EPB41L1: variants seen among roughly 807,000 people sequenced by gnomAD.
The protein encoded by EPB41L1 is band 4.1-like protein 1.
In EPB41L1, 29 loss-of-function variants were observed where a neutral mutation model predicts 97.8. That is an observed-to-expected ratio of 0.30 (90% CI 0.22 to 0.40). The LOEUF (loss-of-function observed/expected upper bound fraction) is 0.40. Ranked by LOEUF, EPB41L1 falls within the 10% of genes least tolerant of loss-of-function variation. EPB41L1 has a pLI of 1.00. For synonymous variants in EPB41L1, 383 were observed against 459.2 expected (o/e 0.83, Z 2.12); for missense variants, 812 against 1,162.3 (o/e 0.70, Z 4.38).
intron 2 of EPB41L1, 88 bp from the exon 3 acceptor site, chr20:36,175,463 C>T: frequency 6.6e-7 from 1 of 1,518,418 alleles, no homozygotes; most frequent in Non-Finnish European, 9.1e-7. Flanking sequence ...TGTCTTGGCC[C>T]CAGATGCCTC....
chr20:36,115,056 T>G (rs1430836220), intron 2 of EPB41L1, among the ~76,000 whole-genome samples: 1 of 152,234 alleles, frequency 6.6e-6, no homozygotes, highest in African/African-American at 2.4e-5. Context: ...ATAGCTAATG[T>G]GCATTGAATT....
chr20:36,156,119 C>G (rs2060289849), intron 1 of EPB41L1, among the ~76,000 whole-genome samples: 1 of 152,236 alleles, frequency 6.6e-6, no homozygotes, highest in South Asian at 2.1e-4. Context: ...TGCCAGCCTC[C>G]CCTATGAGCC....
intron 21 of EPB41L1, among the ~76,000 whole-genome samples, chr20:36,228,711 A>C (rs1322798169): frequency 6.6e-6 from 1 of 152,214 alleles, no homozygotes; most frequent in African/African-American, 2.4e-5. Flanking sequence ...TTTGGAGCCA[A>C]ACCTGGAATC....
rs556788806 is a variant in EPB41L1, at chr20:36,146,833, A to G, written c.-9-28718A>G. Among the ~76,000 whole-genome samples, 124 of 151,794 alleles carry G rather than the reference A, an allele frequency of 8.2e-4. 1 individual carries two copies. The highest frequency in any genetic ancestry group is 2.8e-3 in the African/African-American group (115 of 41,354). Reference sequence around the variant, plus strand: ...TCATAACAGTCCCTGTTTTAAATGGAAAAACTGTTGAAAAGAAAAAAAAAA... The same window carrying G: ...TCATAACAGTCCCTGTTTTAAATGGGAAAACTGTTGAAAAGAAAAAAAAAA... On this transcript the variant is annotated intron_variant, in intron 2 of 19. Coordinates refer to the EPB41L1 transcript ENST00000202028.
Position 36,100,755 on chromosome 20 carries a change from C to T in EPB41L1, c.-65+9143C>T, listed in dbSNP as rs1382426388. 2.0e-5 allele frequency among the ~76,000 whole-genome samples: 3 copies of T among 152,290 alleles called. No homozygotes were observed. The East Asian group carries it at 5.8e-4, about 29-fold the overall frequency. The stretch of plus-strand genomic sequence containing the variant: ...GCCTGCGGGAGCATTTAGGTGTCCA[C>T]AGAGGGGCATGCATTTGCTCAAATT... On this transcript the variant is annotated intron_variant, in intron 1 of 19. Coordinates refer to the EPB41L1 transcript ENST00000202028.
intron 1 of EPB41L1, among the ~76,000 whole-genome samples, chr20:36,111,510 G>A (rs1017919494): frequency 1.3e-5 from 2 of 152,338 alleles, no homozygotes; most frequent in Admixed American, 1.3e-4. Flanking sequence ...GGGAGGCCGG[G>A]CATGGTGGCT....
intron 21 of EPB41L1, among the ~76,000 whole-genome samples, chr20:36,223,886 C>A (rs558033622): frequency 2.0e-5 from 3 of 152,146 alleles, no homozygotes; most frequent in African/African-American, 7.2e-5. Context: ...ATGGGCTCTA[C>A]CACAATGAAA....
intron 5 of EPB41L1, among the ~76,000 whole-genome samples, chr20:36,180,229 C>T (rs774151176): frequency 6.6e-6 from 1 of 152,254 alleles, no homozygotes; most frequent in Non-Finnish European, 1.5e-5. Context: ...CTCATCCTAC[C>T]TTCTGGTGCC....
At position 36,188,960 on chromosome 20, in the gene EPB41L1, T is replaced by C. The variant is rs188041273; in HGVS notation, c.1026+461T>C. On this transcript the variant is annotated intron_variant, in intron 9 of 21. Coordinates refer to ENST00000338074, the MANE Select transcript of EPB41L1 (RefSeq NM_012156.2). Reference sequence around the variant, plus strand: ...TCACACAGATAAATGAATACATGTCTGTGTAAAGTTCATGTATTTAGGTGT... The same window carrying C: ...TCACACAGATAAATGAATACATGTCCGTGTAAAGTTCATGTATTTAGGTGT... 2.0e-5 allele frequency among the ~76,000 whole-genome samples: 3 copies of C among 152,168 alleles called. No homozygotes were observed. The East Asian group carries it at 5.8e-4, about 29-fold the overall frequency.
At chr20:36,105,276 G>C (rs867484095) in intron 1 of EPB41L1, among the ~76,000 whole-genome samples, 5 of 152,150 alleles carry the variant, frequency 3.3e-5, no homozygotes, top group African/African-American at 1.2e-4. Context: ...GGGCTTCCAA[G>C]GTCAGAGCTA....
intron 11 of EPB41L1, among the ~76,000 whole-genome samples, chr20:36,193,523 G>T (rs544152501): frequency 3.9e-5 from 6 of 152,092 alleles, no homozygotes; most frequent in African/African-American, 1.2e-4. Flanking sequence ...GGGCATAGTC[G>T]GATTATGCCC....
chr20:36,181,501 A>C (rs189190503), intron 5 of EPB41L1, among the ~76,000 whole-genome samples: 1 of 152,088 alleles, frequency 6.6e-6, no homozygotes, highest in South Asian at 2.1e-4. Flanking sequence ...TTAGCCCATT[A>C]TATTTACCTT....
Position 36,229,587 on chromosome 20 carries a change from C to G in EPB41L1, c.*247C>G. 2.6e-6 allele frequency: 1 copy of G among 379,388 alleles called. No homozygotes were observed. The highest frequency in any genetic ancestry group is 2.1e-5 in the African/African-American group (1 of 48,388). The allele number at this position is 379,388 out of a possible 1,614,324, so 23.5% of individuals were successfully genotyped here. ...AGAGCAGTTGGCTGACAGCAACAAC[C>G]GACATCTGAACACCTACATTTCCTT... On this transcript the variant is annotated 3_prime_UTR_variant, in exon 22 of 22. Transcript: ENST00000338074.
intron 2 of EPB41L1, among the ~76,000 whole-genome samples, chr20:36,120,187 G>A (rs2058708878): frequency 6.6e-6 from 1 of 152,178 alleles, no homozygotes; most frequent in Non-Finnish European, 1.5e-5. Context: ...ATTCATTTCT[G>A]TATCACTTAA....
chr20:36,229,012 C>T (rs981343818), intron 21 of EPB41L1, among the ~76,000 whole-genome samples: 1 of 152,048 alleles, frequency 6.6e-6, no homozygotes, highest in Non-Finnish European at 1.5e-5. Flanking sequence ...GATGTGGGTT[C>T]GGTTCTCTGC....
chr20:36,157,049 C>A (rs985694977), intron 1 of EPB41L1, among the ~76,000 whole-genome samples: 2 of 152,148 alleles, frequency 1.3e-5, no homozygotes, highest in Non-Finnish European at 2.9e-5. Flanking sequence ...CATGGTGAAA[C>A]CCCGTCTCTA....
At chr20:36,114,975 G>C (rs974959443) in intron 2 of EPB41L1, among the ~76,000 whole-genome samples, 4 of 152,102 alleles carry the variant, frequency 2.6e-5, no homozygotes, top group Non-Finnish European at 5.9e-5. Context: ...GGTTGTAACA[G>C]CTCATAGGCC....
rs1022528449 is a variant in EPB41L1, at chr20:36,093,860, C to G, written c.-65+2248C>G. Among the ~76,000 whole-genome samples, 4 of 152,066 alleles carry G rather than the reference C, an allele frequency of 2.6e-5. No homozygotes were observed. Among genetic ancestry groups the G allele is most frequent in the African/African-American group, 9.7e-5 (4 of 41,428 alleles). On this transcript the variant is annotated intron_variant, in intron 1 of 19. Coordinates refer to the EPB41L1 transcript ENST00000202028. The surrounding 1 kb of genome is among the most constrained non-coding windows in gnomAD (Gnocchi z 5.4). The stretch of plus-strand genomic sequence containing the variant: ...CCCCTCCGGCCTCCCCCCAGCCCCC[C>G]ACCAGACCTAGCCTGTGCCAGTCTC...
In EPB41L1 at chr20:36,103,160, G is replaced by T. The variant is rs79582020; in HGVS notation, c.-64-9266G>T. 3.1e-3 allele frequency among the ~76,000 whole-genome samples: 472 copies of T among 152,276 alleles called. 6 individuals carry two copies. In the East Asian group the frequency reaches 0.056, roughly 18 times the overall value. ...TAGTACCTTATCTGTTCCCCTCTGG[G>T]GGATGAGTTCTTTTTGGTCTTAGCT... is the stretch of plus-strand genomic sequence containing the variant. On this transcript the variant is annotated intron_variant, in intron 1 of 19. Coordinates refer to the EPB41L1 transcript ENST00000202028.
Sources: gnomAD v4.1 joint callset for allele counts (sites outside exome capture counted in the v4.1 genomes callset) on GRCh38, gnomAD v4.1.1 for gene constraint, Gnocchi (gnomAD v3.1) non-coding constraint, MANE v1.5 for transcripts, NCBI Gene and HGNC (gene_info 2026-07-23, HGNC 2026-07-21) for gene names.